The following GADL1 variants were observed in gnomAD, a reference collection of about 807,000 sequenced individuals.
GADL1 encodes the protein GAD like acidic amino acid decarboxylase 1.
Under a neutral mutation model 69.5 loss-of-function variants are expected in GADL1, and 71 were observed. The ratio of observed to expected loss-of-function variants is 1.02; its 90% CI spans 0.84 to 1.25. GADL1 has a LOEUF of 1.25. Ranked by LOEUF, GADL1 falls within the 50% of genes most tolerant of loss-of-function variation. The probability of loss-of-function intolerance (pLI) is 0.00; values close to 1 mark genes in which losing one functional copy is unlikely to be tolerated. For synonymous variants in GADL1, 254 were observed against 214.4 expected, an observed-to-expected ratio of 1.18 and a Z score of -1.62; for missense variants, 737 against 631.8, an observed-to-expected ratio of 1.17 and a Z score of -1.79.
Position 30,726,879 on chromosome 3 carries a change from T to A in GADL1, c.*1363A>T, listed in dbSNP as rs1020192029. The stretch of plus-strand genomic sequence containing the variant: ...TAAAATCACCCACTCTCAGGAGAAA[T>A]GGAGGAAGCATTTACACTGAAAGTC... On this transcript the variant is annotated 3_prime_UTR_variant, in exon 15 of 15. Coordinates refer to ENST00000282538, the MANE Select transcript of GADL1 (RefSeq NM_207359.3). 1 of 152,378 alleles carries A rather than the reference T, an allele frequency of 6.6e-6. No individual in the cohort carries two copies. The highest frequency in any genetic ancestry group is 1.9e-4 in the East Asian group (1 of 5,182). 9.4% of individuals were successfully genotyped at this position (152,378 alleles called of 1,614,324 possible).
chr3:30,768,095 A>G lies in GADL1; in HGVS notation c.1392+10084T>C, dbSNP rs543584134. Among the ~76,000 whole-genome samples the G allele has an allele frequency of 1.8e-3, 256 of 143,776 alleles. 2 individuals carry two copies. The highest frequency in any genetic ancestry group is 6.4e-3 in the African/African-American group (240 of 37,676). The allele number at this position is 143,776 out of a possible 152,430, so 94.3% of individuals were successfully genotyped here. A position where few individuals can be genotyped will look rare whatever the true frequency, so the allele number is the denominator to read the frequency against. ...TAGTTAGATTGAAGCTTGTGTACTC[A>G]TTCCTTACTGCTGGCATTGCAAATG... On this transcript the variant is annotated intron_variant, in intron 14 of 14. Transcript: ENST00000282538.
In GADL1 at chr3:30,850,109, C is replaced by T. The variant is rs1295076616; in HGVS notation, c.538G>A (p.Gly180Ser). 6.4e-7 allele frequency: 1 copy of T among 1,554,398 alleles called. No homozygotes were observed. The highest frequency in any genetic ancestry group is 8.9e-7 in the Non-Finnish European group (1 of 1,127,198). ...KEGDGIFNPG[G>S]SVSNMYAMNL... is the part of the protein sequence containing the mutation. ...ATTGCATACATATTGGACACTGAGC[C>T]ACCTGCAAAAACAAAATTAAAATGG... Residue 180 changes from glycine to serine, a missense_variant and splice_region_variant, in exon 6 of 15, where the codon GGC (glycine) becomes AGC (serine). Transcript: ENST00000282538.
intron 14 of GADL1, among the ~76,000 whole-genome samples, chr3:30,731,923 T>G (rs1171506341): frequency 6.6e-6 from 1 of 152,238 alleles, no homozygotes; most frequent in African/African-American, 2.4e-5. Flanking sequence ...TAGTAGTTGT[T>G]GTTTTTAACA....
chr3:30,777,974 G>GT (rs952189625), intron 14 of GADL1, among the ~76,000 whole-genome samples: 2 of 152,108 alleles, frequency 1.3e-5, no homozygotes, highest in African/African-American at 4.8e-5. Flanking sequence ...CAACCTAATT[G>GT]TTTTGGGTGT....
intron 12 of GADL1, among the ~76,000 whole-genome samples, chr3:30,794,003 G>A (rs1327162139): frequency 2.0e-5 from 3 of 152,130 alleles, no homozygotes; most frequent in Non-Finnish European, 4.4e-5. Flanking sequence ...CTATTCTACT[G>A]TAATTGTAAC....
intron 14 of GADL1, among the ~76,000 whole-genome samples, chr3:30,758,052 G>A (rs1222516984): frequency 6.6e-6 from 1 of 152,168 alleles, no homozygotes; most frequent in Admixed American, 6.5e-5. Flanking sequence ...AACTTCTCAA[G>A]ATGCAGCAGC....
chr3:30,753,000 T>C (rs1695868957), intron 14 of GADL1, among the ~76,000 whole-genome samples: 1 of 152,160 alleles, frequency 6.6e-6, no homozygotes, highest in South Asian at 2.1e-4. Context: ...AAATATTAAA[T>C]TTTAAAAATA....
At position 30,844,201 on chromosome 3, in the gene GADL1, C is replaced by A. The variant is rs1361712279; in HGVS notation, c.786+9G>T. ...CGTTCTCTCTCCCTCTCGCTTTCTC[C>A]CCTCTCACCTCTTTTCTGGCTTGCC... On this transcript the variant is annotated intron_variant, in intron 8 of 14. Transcript: ENST00000282538. 1 of 1,609,352 alleles carries A rather than the reference C, an allele frequency of 6.2e-7. No homozygotes were observed. The highest frequency in any genetic ancestry group is 2.2e-5 in the East Asian group (1 of 44,846).
At chr3:30,854,467 A>G (rs1254995133) in intron 4 of GADL1, among the ~76,000 whole-genome samples, 1 of 152,118 alleles carries the variant, frequency 6.6e-6, no homozygotes, top group African/African-American at 2.4e-5. Flanking sequence ...CAATTTTCTC[A>G]TCTGTTAAAT....
Position 30,844,447 on chromosome 3 carries a change from T to C in GADL1, c.671A>G (p.Lys224Arg). Reference protein sequence around the residue: ...TSAECHYSMKKAASFLGIGTE... With the variant: ...TSAECHYSMKRAASFLGIGTE... The stretch of plus-strand genomic sequence containing the variant: ...GCCAATCCCAAGAAAAGAGGCTGCC[T>C]TCTTCATAGAGTAATGACACTGAAT... The change falls in exon 7 of 15, where the codon AAG becomes AGG. Residue 224 changes from lysine (K) to arginine (R), a missense_variant. Lys to Arg is a conservative substitution (Grantham distance 26). Coordinates refer to ENST00000282538, the MANE Select transcript of GADL1 (RefSeq NM_207359.3). 1 of 1,611,698 alleles carries C rather than the reference T, an allele frequency of 6.2e-7. No individual in the cohort carries two copies. Among genetic ancestry groups the C allele is most frequent in the African/African-American group, 1.3e-5 (1 of 75,008 alleles).
At chr3:30,838,842 C>T (rs919597846) in intron 9 of GADL1, among the ~76,000 whole-genome samples, 155 bp downstream of exon 9, 3 of 152,098 alleles carry the variant, frequency 2.0e-5, no homozygotes, top group African/African-American at 7.2e-5. Context: ...CTCATTTATA[C>T]TTTACAAGAA....
chr3:30,773,501 G>T (rs1486562448), intron 14 of GADL1, among the ~76,000 whole-genome samples: 1 of 152,006 alleles, frequency 6.6e-6, no homozygotes, highest in African/African-American at 2.4e-5. Flanking sequence ...AAATATTTTG[G>T]CACCTCTTAT....
rs139888038 is a variant in GADL1, at chr3:30,839,027, G to A, written c.873C>T (p.Cys291=). 415 of 1,603,780 alleles carry A rather than the reference G, an allele frequency of 2.6e-4. No individual in the cohort carries two copies. The highest frequency in any genetic ancestry group is 3.1e-4 in the Non-Finnish European group (363 of 1,175,306). Residue 291 remains cysteine, a synonymous_variant, in exon 9 of 15, where the codon TGC becomes TGT. Coordinates refer to ENST00000282538, the MANE Select transcript of GADL1 (RefSeq NM_207359.3). ...FDPLDEIADI[C]ERHSLWLHVD... ...CATGAAGCCAGAGGCTGTGCCTCTC[G>A]CAGATGTCTGCTATTTCATCCAGAG...
chr3:30,784,327 G>A (rs2125498811), intron 13 of GADL1, among the ~76,000 whole-genome samples: 1 of 152,252 alleles, frequency 6.6e-6, no homozygotes, highest in East Asian at 1.9e-4. Context: ...CGGTCTCTTT[G>A]AACCTAAAGA....
chr3:30,838,164 C>G (rs1258460499), intron 9 of GADL1, among the ~76,000 whole-genome samples: 1 of 152,060 alleles, frequency 6.6e-6, no homozygotes, highest in Admixed American at 6.6e-5. Context: ...CTATCACTTA[C>G]CAGAGGAAAG....
rs75282950 is a variant in GADL1 at position 30,829,613 on chromosome 3, A to G, written c.1050+4240T>C. Among the ~76,000 whole-genome samples, 1,844 of 152,052 alleles carry G rather than the reference A, an allele frequency of 0.012. 165 individuals carry two copies. The East Asian group carries it at 0.25, about 21-fold the overall frequency. On this transcript the variant is annotated intron_variant, in intron 11 of 14. Transcript: ENST00000282538. ...TTGTATCTTGGAGTTTTCAAAAGGA[A>G]TAATTTGGGGTAAGGGAAAAATTCA...
chr3:30,809,304 T>G (rs1231016193), intron 11 of GADL1, among the ~76,000 whole-genome samples: 1 of 152,210 alleles, frequency 6.6e-6, no homozygotes, highest in Non-Finnish European at 1.5e-5. Context: ...ATATTTAAAA[T>G]CATCCGGTTT....
chr3:30,835,637 G>A (rs967250103), intron 9 of GADL1, among the ~76,000 whole-genome samples: 2 of 151,988 alleles, frequency 1.3e-5, no homozygotes, highest in Non-Finnish European at 2.9e-5. Flanking sequence ...ACTCTTGCAA[G>A]GCCCTAAGAG....
chr3:30,765,499 G>A (rs1447373959), intron 14 of GADL1, among the ~76,000 whole-genome samples: 1 of 152,198 alleles, frequency 6.6e-6, no homozygotes, highest in African/African-American at 2.4e-5. Flanking sequence ...TGATAACATT[G>A]TGAAAACATA....
Sources: allele counts gnomAD v4.1 joint callset (sites outside exome capture counted in the v4.1 genomes callset), GRCh38; gene constraint gnomAD v4.1.1; transcripts MANE v1.5; gene names NCBI Gene and HGNC (gene_info 2026-07-23, HGNC 2026-07-21).